Variants in AGAP1 observed in about 807,000 individuals in gnomAD.
AGAP1 encodes ArfGAP with GTPase domain, ankyrin repeat and PH domain 1, also known as arf-GAP with GTPase, ANK repeat and PH domain-containing protein 1.
Under a neutral mutation model 105.3 loss-of-function variants are expected in AGAP1, and 29 were observed. The observed-to-expected ratio is 0.28, with a 90% CI of 0.21 to 0.38. AGAP1 has a LOEUF of 0.38. Ranked by LOEUF, AGAP1 falls within the 10% of genes least tolerant of loss-of-function variation. The pLI, the probability that AGAP1 is intolerant of heterozygous loss-of-function variation, is 1.00. For synonymous variants in AGAP1, 509 were observed against 485.9 expected, an observed-to-expected ratio of 1.05 and a Z score of -0.63; for missense variants, 998 against 1,165.1, an observed-to-expected ratio of 0.86 and a Z score of 2.09.
At chr2:236,006,183 C>T (rs1045779388) in intron 13 of AGAP1, among the ~76,000 whole-genome samples, 2 of 152,058 alleles carry the variant, frequency 1.3e-5, no homozygotes, top group African/African-American at 4.8e-5. Flanking sequence ...CCTGGGGGCT[C>T]CTCTGGCTGC....
intron 6 of AGAP1, among the ~76,000 whole-genome samples, chr2:235,795,405 A>G (rs1405276854): frequency 6.6e-6 from 1 of 152,152 alleles, no homozygotes; most frequent in Non-Finnish European, 1.5e-5. Flanking sequence ...CATTTTCAAG[A>G]TGGGGGAGAC....
chr2:235,911,192 A>C (rs1169433311), intron 11 of AGAP1, among the ~76,000 whole-genome samples: 1 of 152,218 alleles, frequency 6.6e-6, no homozygotes, highest in Admixed American at 6.5e-5. Flanking sequence ...GAATGGCTAA[A>C]TCATGCCATT....
chr2:235,924,563 G>A (rs771646525), intron 11 of AGAP1, among the ~76,000 whole-genome samples: 6 of 152,142 alleles, frequency 3.9e-5, no homozygotes, highest in Admixed American at 6.5e-5. Flanking sequence ...GAGTTAGCAG[G>A]TTAGCCTGCC....
At chr2:236,117,065 G>A (rs768403362) in intron 16 of AGAP1, among the ~76,000 whole-genome samples, 2 of 152,184 alleles carry the variant, frequency 1.3e-5, no homozygotes, top group African/African-American at 2.4e-5. Flanking sequence ...CTATAAACGT[G>A]TGTGTAAGTA....
intron 12 of AGAP1, among the ~76,000 whole-genome samples, chr2:235,941,656 T>C (rs1486620836): frequency 2.0e-5 from 3 of 152,202 alleles, no homozygotes; most frequent in Non-Finnish European, 4.4e-5. Context: ...TTCATTCCAT[T>C]CACTTGACAA....
chr2:235,543,421 G>C (rs1051129217), intron 1 of AGAP1, among the ~76,000 whole-genome samples: 1 of 152,186 alleles, frequency 6.6e-6, no homozygotes, highest in Non-Finnish European at 1.5e-5. Flanking sequence ...CTGTGTCCCC[G>C]TGTACGGGGA....
intron 1 of AGAP1, among the ~76,000 whole-genome samples, chr2:235,627,324 A>G (rs1266490216): frequency 1.4e-5 from 2 of 147,956 alleles, no homozygotes; most frequent in African/African-American, 5.0e-5. Context: ...TCCCGAGTTT[A>G]AGCAATTCTC....
chr2:235,809,517 G>C (rs888711366), intron 9 of AGAP1, among the ~76,000 whole-genome samples: 4 of 152,148 alleles, frequency 2.6e-5, no homozygotes, highest in African/African-American at 9.7e-5. Flanking sequence ...CTGTAAAATG[G>C]GGAACTGGAT....
At position 236,078,034 on chromosome 2, in the gene AGAP1, A is replaced by G. The variant is rs2058685297; in HGVS notation, c.2114+28753A>G. On this transcript the variant is annotated intron_variant, in intron 16 of 17. Coordinates refer to ENST00000304032, the MANE Select transcript of AGAP1 (RefSeq NM_001037131.3). The surrounding 1 kb of genome is among the most constrained non-coding windows in gnomAD (Gnocchi z 5.3). The stretch of plus-strand genomic sequence containing the variant: ...ATCAGGGTTCTCCAGAGAAACAACC[A>G]ATTTGTGTGTGTGTGTGTGTGTGTG... Among the ~76,000 whole-genome samples the G allele has an allele frequency of 9.1e-6, 1 of 110,298 alleles. No individual in the cohort carries two copies. Among genetic ancestry groups the G allele is most frequent in the Non-Finnish European group, 1.9e-5 (1 of 53,512 alleles). 72.4% of individuals were successfully genotyped at this position (110,298 alleles called of 152,430 possible).
intron 6 of AGAP1, among the ~76,000 whole-genome samples, chr2:235,790,301 C>T (rs1956896905): frequency 6.6e-6 from 1 of 152,056 alleles, no homozygotes; most frequent in Non-Finnish European, 1.5e-5. Flanking sequence ...ACATAATTAG[C>T]CTAGAATTCT....
At chr2:236,007,052 G>T (rs1419476895) in intron 13 of AGAP1, among the ~76,000 whole-genome samples, 1 of 148,628 alleles carries the variant, frequency 6.7e-6, no homozygotes, top group African/African-American at 2.5e-5. Flanking sequence ...GGTCAAAGCA[G>T]TTTTATGGGA....
intron 9 of AGAP1, among the ~76,000 whole-genome samples, chr2:235,840,276 C>T (rs1397137272): frequency 1.3e-5 from 2 of 152,204 alleles, no homozygotes; most frequent in Non-Finnish European, 2.9e-5. Context: ...CTGATGGCTT[C>T]AGCCGCTGTC....
At chr2:236,066,271 T>C (rs773442897) in intron 16 of AGAP1, among the ~76,000 whole-genome samples, 3 of 152,202 alleles carry the variant, frequency 2.0e-5, no homozygotes, top group Admixed American at 6.5e-5. Context: ...TCTGTCGCCC[T>C]AGCTGGTGCA....
In AGAP1 at chr2:236,027,852, T is replaced by G. The variant is rs1200905234; in HGVS notation, c.1646-8709T>G. On this transcript the variant is annotated intron_variant, in intron 13 of 17. Transcript: ENST00000304032. The surrounding 1 kb of genome is among the most constrained non-coding windows in gnomAD (Gnocchi z 4.4). ...CTGCCCTGTGATCACAGGGCCTTTG[T>G]GCATGCTACATACACGTCAGAGACA... Among the ~76,000 whole-genome samples, 1 of 152,138 alleles carries G rather than the reference T, an allele frequency of 6.6e-6. No homozygotes were observed. Among genetic ancestry groups the G allele is most frequent in the African/African-American group, 2.4e-5 (1 of 41,424 alleles).
chr2:235,537,538 C>T (rs1337832505), intron 1 of AGAP1, among the ~76,000 whole-genome samples: 3 of 152,188 alleles, frequency 2.0e-5, no homozygotes, highest in Non-Finnish European at 4.4e-5. Flanking sequence ...CACTTGTGTT[C>T]ATGTCTTGGC....
intron 2 of AGAP1, among the ~76,000 whole-genome samples, 173 bp downstream of exon 2, chr2:235,709,410 G>C (rs372769315): frequency 1.3e-5 from 2 of 152,320 alleles, no homozygotes; most frequent in East Asian, 3.9e-4. Flanking sequence ...TAGAGTCCAA[G>C]TTCCTGAGTG....
intron 16 of AGAP1, among the ~76,000 whole-genome samples, chr2:236,102,081 T>A (rs79143078): frequency 0.55 from 82,898 of 151,508 alleles, 24,463 homozygotes; most frequent in African/African-American, 0.78. Context: ...CAGGATTTCG[T>A]GACTAGCCTG....
intron 16 of AGAP1, among the ~76,000 whole-genome samples, chr2:236,097,995 G>A (rs1253339554): frequency 6.6e-6 from 1 of 152,158 alleles, no homozygotes; most frequent in African/African-American, 2.4e-5. Context: ...TAGAATTTCT[G>A]TCCCTGAATA....
rs899489859 is a variant in AGAP1 at position 235,905,456 on chromosome 2, T to G, written c.1156-3282T>G. Among the ~76,000 whole-genome samples the G allele has an allele frequency of 3.3e-5, 5 of 152,214 alleles. No individual in the cohort carries two copies. Among genetic ancestry groups the G allele is most frequent in the African/African-American group, 1.2e-4 (5 of 41,462 alleles). On this transcript the variant is annotated intron_variant, in intron 10 of 17. Transcript: ENST00000304032. This position sits in a 1 kb window ranked among gnomAD's most constrained non-coding sequence, Gnocchi z 4.2. ...CTTGAGAAAAACCTTTTTTAGGAAG[T>G]GACCAACACTCACCACTCTACGGTG...
Sources: gnomAD v4.1 joint callset for allele counts (sites outside exome capture counted in the v4.1 genomes callset) on GRCh38, gnomAD v4.1.1 for gene constraint, Gnocchi (gnomAD v3.1) non-coding constraint, MANE v1.5 for transcripts, NCBI Gene and HGNC (gene_info 2026-07-23, HGNC 2026-07-21) for gene names.